The following PHF6 variants were observed in gnomAD, a reference collection of about 807,000 sequenced individuals.
The protein encoded by PHF6 is PHD-like zinc finger protein.
Under a neutral mutation model 34.0 loss-of-function variants are expected in PHF6, and 7 were observed. That is an observed-to-expected ratio of 0.21 (90% CI 0.12 to 0.39). The LOEUF (loss-of-function observed/expected upper bound fraction) is 0.39, where lower values mean the gene tolerates loss of function less well. Among genes scored for constraint, PHF6 ranks in the 10% least tolerant of loss-of-function variants. The pLI, the probability that PHF6 is intolerant of heterozygous loss-of-function variation, is 1.00. For synonymous variants in PHF6, 89 were observed against 88.4 expected (o/e 1.01, Z -0.04); for missense variants, 128 against 262.8 (o/e 0.49, Z 3.55).
At position 134,405,837 on chromosome X, in the gene PHF6, A is replaced by G. The variant is rs1029446871; in HGVS notation, c.419-7654A>G. Among the ~76,000 whole-genome samples, 22 of 108,039 alleles carry G rather than the reference A, an allele frequency of 2.0e-4. No homozygotes were observed. In the East Asian group the frequency reaches 2.9e-3, roughly 14 times the overall value. 93.8% of individuals were successfully genotyped at this position (108,039 alleles called of 115,157 possible). A position where few individuals can be genotyped will look rare whatever the true frequency, so the allele number is the denominator to read the frequency against. ...ATATAATATCAAGTATATCAAGTAA[A>G]TGATTTATATATATAAATGATTTAT... On this transcript the variant is annotated intron_variant, in intron 5 of 10. Transcript: ENST00000370803.
At chrX:134,418,558 T>A (rs957735498) in intron 9 of PHF6, 1 of 111,544 alleles carries the variant, frequency 9.0e-6, no homozygotes, top group Non-Finnish European at 1.9e-5. Flanking sequence ...TAAAAGACAA[T>A]GTACACAAGC....
In PHF6 at chrX:134,425,272, G is replaced by T. The variant is rs763271908; in HGVS notation, c.1040G>T (p.Arg347Leu). ...EEDEERESKS[R>L]GKVEIDQQQL... is the part of the protein sequence containing the mutation. ...GATGAGGAACGAGAGAGTAAAAGCCGAGGAAAAGTAGAAATTGATCAGCAA... is the reference window on the plus strand; with the variant it reads ...GATGAGGAACGAGAGAGTAAAAGCCTAGGAAAAGTAGAAATTGATCAGCAA... The change falls in exon 10 of 11, where the codon CGA (arginine) becomes CTA (leucine). Residue 347 changes from arginine (R) to leucine (L), a missense_variant. Physicochemically the swap from Arg to Leu is moderately radical, Grantham distance 102 (BLOSUM62 -2). Around this residue, in one of 3 missense-constraint regions of PHF6, gnomAD observed 15 missense variants for 16.2 expected, o/e 0.93. Coordinates refer to ENST00000370803, the MANE Select transcript of PHF6 (RefSeq NM_001015877.2). 8.3e-7 allele frequency: 1 copy of T among 1,209,140 alleles called. No homozygotes were observed. The highest frequency in any genetic ancestry group is 1.8e-5 in the South Asian group (1 of 56,828).
chrX:134,412,232 A>T (rs968569969), intron 5 of PHF6, among the ~76,000 whole-genome samples: 2 of 112,271 alleles, frequency 1.8e-5, no homozygotes, highest in Non-Finnish European at 3.8e-5. Context: ...ACTATGCAAT[A>T]ACTTTTACCT....
intron 5 of PHF6, among the ~76,000 whole-genome samples, chrX:134,405,186 C>T (rs770141940): frequency 9.0e-6 from 1 of 111,430 alleles, no homozygotes; most frequent in African/African-American, 3.3e-5. Context: ...TTGTGGTCTT[C>T]GCACCATGTA....
intron 3 of PHF6, among the ~76,000 whole-genome samples, chrX:134,382,950 G>A (rs2077313971): frequency 9.0e-6 from 1 of 110,620 alleles, no homozygotes; most frequent in Non-Finnish European, 1.9e-5. Flanking sequence ...AGCCACTCAA[G>A]ATAAGATTTT....
intron 5 of PHF6, among the ~76,000 whole-genome samples, chrX:134,406,763 T>C (rs1007111016): frequency 8.9e-6 from 1 of 112,176 alleles, no homozygotes; most frequent in Admixed American, 9.5e-5. Context: ...TCAGCCTGGA[T>C]TTTTAGAAAT....
rs1030864314 is a variant in PHF6, at chrX:134,427,771, A to G, written c.*2111A>G. ...AAATTCAAATGTAAATTGAATTCAC[A>G]TGAAAAATCATGTTTGGTTGTAAAC... On this transcript the variant is annotated 3_prime_UTR_variant, in exon 11 of 11. Transcript: ENST00000370803. 2 of 159,129 alleles carry G rather than the reference A, an allele frequency of 1.3e-5. No individual in the cohort carries two copies. The highest frequency in any genetic ancestry group is 3.0e-5 in the African/African-American group (1 of 33,126). 13.1% of individuals were successfully genotyped at this position (159,129 alleles called of 1,213,427 possible).
intron 8 of PHF6, 124 bp from the exon 9 acceptor site, chrX:134,417,045 G>A: frequency 1.3e-6 from 1 of 753,159 alleles, no homozygotes; most frequent in Non-Finnish European, 2.0e-6. Context: ...TCAAAGTATG[G>A]TTTAAGTTGC....
At chrX:134,381,349 A>C (rs2077306459) in intron 3 of PHF6, among the ~76,000 whole-genome samples, 1 of 111,432 alleles carries the variant, frequency 9.0e-6, no homozygotes, top group Admixed American at 9.6e-5. Context: ...TTCTAGATTT[A>C]AGTTTGATTC....
At chrX:134,387,531 G>A (rs1191993551) in intron 3 of PHF6, among the ~76,000 whole-genome samples, 1 of 111,212 alleles carries the variant, frequency 9.0e-6, no homozygotes, top group Non-Finnish European at 1.9e-5. Context: ...CCATACACGA[G>A]AAAAGCTTGG....
chrX:134,380,354 T>G (rs998806352), intron 3 of PHF6, among the ~76,000 whole-genome samples: 2 of 110,074 alleles, frequency 1.8e-5, no homozygotes, highest in Non-Finnish European at 3.8e-5. Flanking sequence ...CACCTTGGTC[T>G]CAATCTCCTG....
chrX:134,382,113 T>C (rs1264209153), intron 3 of PHF6, among the ~76,000 whole-genome samples: 1 of 111,652 alleles, frequency 9.0e-6, no homozygotes, highest in Non-Finnish European at 1.9e-5. Context: ...TTGGTTTTTA[T>C]GTTCTTGCTG....
chrX:134,391,971 G>T (rs1038365989), intron 3 of PHF6, among the ~76,000 whole-genome samples: 1 of 111,691 alleles, frequency 9.0e-6, no homozygotes, highest in African/African-American at 3.3e-5. Flanking sequence ...TGAAGTTTCT[G>T]TATTTATTTA....
At chrX:134,422,144 A>T (rs752623932) in intron 9 of PHF6, among the ~76,000 whole-genome samples, 1 of 110,685 alleles carries the variant, frequency 9.0e-6, no homozygotes, top group East Asian at 2.8e-4. Context: ...TCTGGTCTCA[A>T]ATTCCTGGGC....
intron 3 of PHF6, among the ~76,000 whole-genome samples, chrX:134,379,056 G>A (rs1026210616): frequency 2.8e-5 from 3 of 108,137 alleles, no homozygotes; most frequent in Admixed American, 9.8e-5. Context: ...ATATAACTGC[G>A]TTTGTAGTTA....
At chrX:134,398,538 G>A (rs1369241010) in intron 5 of PHF6, among the ~76,000 whole-genome samples, 1 of 112,136 alleles carries the variant, frequency 8.9e-6, no homozygotes, top group Non-Finnish European at 1.9e-5. Flanking sequence ...CTTGTTGCAG[G>A]AATCCTGGTT....
intron 9 of PHF6, chrX:134,419,520 C>T (rs1443424017): frequency 1.8e-5 from 2 of 111,484 alleles, no homozygotes; most frequent in African/African-American, 3.3e-5. Flanking sequence ...TTTAAAGTAA[C>T]GAGTGCTCTT....
intron 5 of PHF6, among the ~76,000 whole-genome samples, chrX:134,398,342 A>G (rs773567859): frequency 1.8e-5 from 2 of 112,005 alleles, no homozygotes; most frequent in Non-Finnish European, 3.8e-5. Flanking sequence ...GGGAGCTACA[A>G]TCATGCCACT....
At chrX:134,385,963 T>C (rs1189081333) in intron 3 of PHF6, among the ~76,000 whole-genome samples, 1 of 111,737 alleles carries the variant, frequency 8.9e-6, no homozygotes, top group Non-Finnish European at 1.9e-5. Context: ...TAAACATGAA[T>C]AAATATGGTT....
Sources: allele counts gnomAD v4.1 joint callset (sites outside exome capture counted in the v4.1 genomes callset), GRCh38; gene constraint gnomAD v4.1.1; regional missense constraint gnomAD v4.1.1; transcripts MANE v1.5; gene names NCBI Gene and HGNC (gene_info 2026-07-23, HGNC 2026-07-21).